ANKHD1: variants seen among roughly 807,000 people sequenced by gnomAD.
ANKHD1 encodes the protein ankyrin repeat and KH domain containing 1.
ANKHD1 carries 31 observed loss-of-function variants against 230.5 expected under a neutral mutation model. The observed-to-expected ratio is 0.13, with a 90% CI of 0.10 to 0.18. The LOEUF is 0.18. Among genes scored for constraint, ANKHD1 ranks in the 10% least tolerant of loss-of-function variants. ANKHD1 has a pLI of 1.00. For synonymous variants in ANKHD1, 1,074 were observed against 1,117.6 expected (o/e 0.96, Z 0.78); for missense variants, 2,256 against 3,071.3 (o/e 0.73, Z 6.27).
At chr5:140,515,942 C>T (rs961584496) in intron 24 of ANKHD1, among the ~76,000 whole-genome samples, 30 of 152,262 alleles carry the variant, frequency 2.0e-4, no homozygotes, top group Non-Finnish European at 3.4e-4. Flanking sequence ...CAAAGCTGGA[C>T]GGAGAATGAC....
intron 24 of ANKHD1, among the ~76,000 whole-genome samples, chr5:140,522,326 A>G (rs946329339): frequency 6.6e-6 from 1 of 152,210 alleles, no homozygotes; most frequent in Non-Finnish European, 1.5e-5. Flanking sequence ...TACGAAAACA[A>G]TTCTATTCTG....
intron 10 of ANKHD1, among the ~76,000 whole-genome samples, chr5:140,468,052 C>CTTT (rs869172143): frequency 1.9e-4 from 10 of 52,412 alleles, no homozygotes; most frequent in African/African-American, 2.7e-4. Flanking sequence ...TGTACTAATT[C>CTTT]TTTTTTTTTT....
At chr5:140,474,222 A>G (rs1379921399) in intron 10 of ANKHD1, among the ~76,000 whole-genome samples, 2 of 152,344 alleles carry the variant, frequency 1.3e-5, no homozygotes, top group African/African-American at 4.8e-5. Flanking sequence ...TATGAATCCA[A>G]TCAGTAATAG....
chr5:140,482,365 TTG>T (rs1751320765), intron 10 of ANKHD1, among the ~76,000 whole-genome samples: 1 of 152,166 alleles, frequency 6.6e-6, no homozygotes, highest in Admixed American at 6.5e-5. Flanking sequence ...TGGTTATTAC[TTG>T]GTATGCAAAA....
In ANKHD1 at chr5:140,506,987, G is replaced by A; in HGVS notation, c.3551+10G>A. The A allele has an allele frequency of 1.2e-6, 2 of 1,611,280 alleles. No individual in the cohort carries two copies. Among genetic ancestry groups the A allele is most frequent in the Middle Eastern group, 1.7e-4 (1 of 6,036 alleles). On this transcript the variant is annotated intron_variant, in intron 19 of 33. Coordinates refer to ENST00000360839, the MANE Select transcript of ANKHD1 (RefSeq NM_017747.3). The surrounding 1 kb of genome is among the most constrained non-coding windows in gnomAD (Gnocchi z 4.7). Reference sequence around the variant, plus strand: ...CAGAAATTAATTCAAGGTATTGCCTGTTCATTTTATTGTTCATGTTTAGTA... The same window carrying A: ...CAGAAATTAATTCAAGGTATTGCCTATTCATTTTATTGTTCATGTTTAGTA...
At chr5:140,405,282 A>T (rs532012952) in intron 1 of ANKHD1, among the ~76,000 whole-genome samples, 12 of 152,292 alleles carry the variant, frequency 7.9e-5, no homozygotes, top group African/African-American at 2.9e-4. Flanking sequence ...ATCTAAGATG[A>T]TGCTTAGTGG....
chr5:140,442,571 T>G (rs1773944343), intron 5 of ANKHD1, among the ~76,000 whole-genome samples: 1 of 152,136 alleles, frequency 6.6e-6, no homozygotes, highest in Non-Finnish European at 1.5e-5. Context: ...TGAAAGTGGC[T>G]CCCTGTATTA....
At chr5:140,453,739 G>A (rs933029169) in intron 7 of ANKHD1, among the ~76,000 whole-genome samples, 2 of 152,076 alleles carry the variant, frequency 1.3e-5, no homozygotes, top group Non-Finnish European at 2.9e-5. Context: ...GGAACAACTG[G>A]TACCAGCCAC....
At chr5:140,525,927 T>C in intron 25 of ANKHD1, 69 bp from the exon 26 acceptor site, 2 of 1,482,678 alleles carry the variant, frequency 1.3e-6, no homozygotes, top group East Asian at 4.7e-5. Flanking sequence ...AATTATCAAA[T>C]ATATTCTGTC....
chr5:140,464,669 G>A lies in ANKHD1; in HGVS notation c.1675G>A (p.Ala559Thr), dbSNP rs372186276. The change falls in exon 10 of 34, where the codon GCT (alanine) becomes ACT (threonine). Residue 559 changes from alanine (A) to threonine (T), a missense_variant and splice_region_variant. By Grantham distance (58) the Ala-to-Thr change is moderately conservative. Around this residue, in one of 13 missense-constraint regions of ANKHD1, gnomAD observed 179 missense variants for 261.8 expected, o/e 0.68. Transcript: ENST00000360839. ...ELVKYLLASGANVHATTATGD... is the reference protein window; with the variant it reads ...ELVKYLLASGTNVHATTATGD... ...ATGTATGCTTTTTTGTTTGCTAGGC[G>A]CTAATGTGCATGCTACAACAGCAAC... is the stretch of plus-strand genomic sequence containing the variant. 5.1e-6 allele frequency: 8 copies of A among 1,563,106 alleles called. No homozygotes were observed. Among genetic ancestry groups the A allele is most frequent in the African/African-American group, 1.4e-5 (1 of 74,040 alleles).
At chr5:140,519,306 A>C (rs367956496) in intron 24 of ANKHD1, among the ~76,000 whole-genome samples, 1 of 152,246 alleles carries the variant, frequency 6.6e-6, no homozygotes, top group East Asian at 1.9e-4. Flanking sequence ...AGAACATTCC[A>C]TGCTCATGAG....
At chr5:140,525,260 ATTTT>A (rs1360239157) in intron 25 of ANKHD1, among the ~76,000 whole-genome samples, 1 of 151,858 alleles carries the variant, frequency 6.6e-6, no homozygotes, top group South Asian at 2.1e-4. Flanking sequence ...AAGAGCAAAG[ATTTT>A]TTTTGTGTGT....
chr5:140,459,093 C>T, intron 8 of ANKHD1, 71 bp from the exon 9 acceptor site: 1 of 1,311,352 alleles, frequency 7.6e-7, no homozygotes, highest in Non-Finnish European at 9.8e-7. Context: ...ATGATTATCA[C>T]AATTCAGAAA....
At chr5:140,482,448 T>C in intron 10 of ANKHD1, 132 bp from the exon 11 acceptor site, 1 of 910,740 alleles carries the variant, frequency 1.1e-6, no homozygotes, top group Non-Finnish European at 1.5e-6. Context: ...GGAATTGAGG[T>C]AGGTGGTATA....
Position 140,480,024 on chromosome 5 carries a change from AG to A in ANKHD1, c.1783-2553del, listed in dbSNP as rs553329775. On this transcript the variant is annotated intron_variant, in intron 10 of 33. Transcript: ENST00000360839. ...TTCTTGCACAGCAGGGCTAACCCATAGGGAGTGTGCCCACAGTAGCCTGATT... is the reference window on the plus strand; with the variant it reads ...TTCTTGCACAGCAGGGCTAACCCATAGGAGTGTGCCCACAGTAGCCTGATT... Among the ~76,000 whole-genome samples, 9 of 142,644 alleles carry A rather than the reference AG, an allele frequency of 6.3e-5. No homozygotes were observed. The Admixed American group carries it at 6.3e-4, about 10-fold the overall frequency. 93.6% of individuals were successfully genotyped at this position (142,644 alleles called of 152,430 possible).
intron 3 of ANKHD1, among the ~76,000 whole-genome samples, chr5:140,439,461 G>A (rs1056492794): frequency 6.6e-6 from 1 of 152,062 alleles, no homozygotes; most frequent in Non-Finnish European, 1.5e-5. Flanking sequence ...CTTCAGGCCA[G>A]GAGTTCAAGA....
rs143707420 is a variant in ANKHD1, at chr5:140,498,408, C to A, written c.3004+1130C>A. 9.7e-4 allele frequency among the ~76,000 whole-genome samples: 147 copies of A among 152,286 alleles called. 1 individual carries two copies. Among genetic ancestry groups the A allele is most frequent in the African/African-American group, 3.5e-3 (145 of 41,534 alleles). Reference sequence around the variant, plus strand: ...GGAATTTTATTGGGCATGTGTTTGACTTCCAATGGTTATAGAATTGTGATA... The same window carrying A: ...GGAATTTTATTGGGCATGTGTTTGAATTCCAATGGTTATAGAATTGTGATA... On this transcript the variant is annotated intron_variant, in intron 15 of 33. Transcript: ENST00000360839.
chr5:140,466,628 T>TA lies in ANKHD1; in HGVS notation c.1782+1853dup, dbSNP rs573028513. On this transcript the variant is annotated intron_variant, in intron 10 of 33. Coordinates refer to ENST00000360839, the MANE Select transcript of ANKHD1 (RefSeq NM_017747.3). Reference sequence around the variant, plus strand: ...GCTATTTGAACTTACCGTATTTACTTACTTTCAAAATGTAAGATTAAAAAT... The same window carrying TA: ...GCTATTTGAACTTACCGTATTTACTTAACTTTCAAAATGTAAGATTAAAAAT... 3.9e-5 allele frequency among the ~76,000 whole-genome samples: 6 copies of TA among 152,252 alleles called. No individual in the cohort carries two copies. The South Asian group carries it at 1.2e-3, about 32-fold the overall frequency.
At chr5:140,455,662 C>A in intron 7 of ANKHD1, among the ~76,000 whole-genome samples, 1 of 152,194 alleles carries the variant, frequency 6.6e-6, no homozygotes, top group South Asian at 2.1e-4. Context: ...CAAAATTCAA[C>A]AACCCTTCAT....
Sources: allele counts gnomAD v4.1 joint callset (sites outside exome capture counted in the v4.1 genomes callset), GRCh38; gene constraint gnomAD v4.1.1; regional missense constraint gnomAD v4.1.1; non-coding constraint Gnocchi (gnomAD v3.1); transcripts MANE v1.5; gene names NCBI Gene and HGNC (gene_info 2026-07-23, HGNC 2026-07-21).